The following TMEM176B variants were observed in gnomAD, a reference collection of about 807,000 sequenced individuals.
TMEM176B encodes the protein LR8-like protein.
In TMEM176B, 28 loss-of-function variants were observed where a neutral mutation model predicts 30.3. The observed-to-expected ratio is 0.92, with a 90% CI of 0.68 to 1.27. The LOEUF (loss-of-function observed/expected upper bound fraction) is 1.27. Among genes scored for constraint, TMEM176B ranks in the 50% most tolerant of loss-of-function variants. TMEM176B has a pLI of 0.00. For missense variants in TMEM176B, 349 were observed against 327.4 expected (o/e 1.07, Z -0.51); for synonymous variants, 123 against 130.3 (o/e 0.94, Z 0.38).
intron 6 of TMEM176B, 110 bp downstream of exon 6, chr7:150,791,946 G>A: frequency 1.3e-6 from 2 of 1,481,974 alleles, no homozygotes; most frequent in Non-Finnish European, 1.8e-6. Context: ...AAGCTGAGGG[G>A]CACCAGGCCC....
intron 5 of TMEM176B, 24 bp downstream of exon 5, chr7:150,793,064 G>A (rs773027093): frequency 2.4e-5 from 38 of 1,612,226 alleles, no homozygotes; most frequent in East Asian, 4.5e-5. Context: ...ATGGGTCCCC[G>A]AAGACTGGAC....
chr7:150,800,444 C>A (rs927779775), upstream of TMEM176B: 8 of 116,438 alleles, frequency 6.9e-5, no homozygotes, highest in African/African-American at 2.3e-4. Context: ...CCAGCTGCGG[C>A]CCGGGGGCCC....
upstream of TMEM176B, chr7:150,801,182 C>A: frequency 4.7e-6 from 1 of 211,878 alleles, no homozygotes; most frequent in Non-Finnish European, 8.6e-6. Context: ...AGCCTGCGGA[C>A]TGTGGAGGGG....
At chr7:150,793,498 G>A in intron 4 of TMEM176B, 46 bp downstream of exon 4, 1 of 1,605,306 alleles carries the variant, frequency 6.2e-7, no homozygotes, top group East Asian at 2.2e-5. Context: ...GCAGAATTCA[G>A]GAGGGGGTCA....
intron 1 of TMEM176B, among the ~76,000 whole-genome samples, chr7:150,799,075 C>T (rs1390586293): frequency 6.6e-6 from 1 of 152,200 alleles, no homozygotes; most frequent in Non-Finnish European, 1.5e-5. Flanking sequence ...TCAGTTTTCA[C>T]TTTTAAATGC....
rs1300178301 is a variant in TMEM176B at position 150,794,082 on chromosome 7, G to C, written c.205-11C>G. 1.2e-6 allele frequency: 2 copies of C among 1,607,100 alleles called. No homozygotes were observed. Among genetic ancestry groups the C allele is most frequent in the Admixed American group, 3.4e-5 (2 of 59,234 alleles). On this transcript the variant is annotated splice_polypyrimidine_tract_variant and intron_variant, in intron 2 of 6. Coordinates refer to ENST00000326442, the MANE Select transcript of TMEM176B (RefSeq NM_001101312.2). Reference sequence around the variant, plus strand: ...CAATATCTGAGTCACCTGCAAGACAGGATGAGAAACCAGACCCCTTCCCGT... The same window carrying C: ...CAATATCTGAGTCACCTGCAAGACACGATGAGAAACCAGACCCCTTCCCGT...
chr7:150,801,115 G>A (rs1000385570), upstream of TMEM176B: 21 of 431,762 alleles, frequency 4.9e-5, no homozygotes, highest in African/African-American at 1.9e-4. Flanking sequence ...GCGCAGCCGG[G>A]GCGCAGCTGC....
At chr7:150,796,241 T>A (rs1401227777) in intron 2 of TMEM176B, 125 bp downstream of exon 2, 2 of 824,384 alleles carry the variant, frequency 2.4e-6, no homozygotes, top group Non-Finnish European at 3.8e-6. Flanking sequence ...TCTGTGTGTA[T>A]GCCCCAAATT....
intron 1 of TMEM176B, among the ~76,000 whole-genome samples, chr7:150,799,423 G>T (rs1798671559): frequency 1.3e-5 from 2 of 152,186 alleles, no homozygotes; most frequent in Non-Finnish European, 2.9e-5. Flanking sequence ...GGCCATTTTT[G>T]CTAGACTACT....
intron 1 of TMEM176B, chr7:150,796,787 C>A: frequency 1.9e-6 from 1 of 537,702 alleles, no homozygotes; most frequent in Non-Finnish European, 3.3e-6. Flanking sequence ...GGCAAAACTC[C>A]CTCTCTACTA....
chr7:150,796,647 G>T (rs1798540605), intron 1 of TMEM176B, 73 bp from the exon 2 acceptor site: 1 of 1,441,196 alleles, frequency 6.9e-7, no homozygotes, highest in Non-Finnish European at 9.6e-7. Flanking sequence ...ACAGGTGAAA[G>T]GAGAGAAATA....
intron 1 of TMEM176B, among the ~76,000 whole-genome samples, chr7:150,797,584 G>A (rs1437995278): frequency 6.6e-6 from 1 of 152,196 alleles, no homozygotes. Context: ...GCAGTTGCTG[G>A]TGGATGTCCT....
chr7:150,793,449 A>G, intron 4 of TMEM176B, 95 bp downstream of exon 4: 3 of 1,543,018 alleles, frequency 1.9e-6, no homozygotes, highest in Non-Finnish European at 2.7e-6. Flanking sequence ...GAAAGACCCC[A>G]AGATATTGAC....
Position 150,792,054 on chromosome 7 carries a change from A to G in TMEM176B, c.720+2T>C, listed in dbSNP as rs776229836. 6.2e-7 allele frequency: 1 copy of G among 1,613,350 alleles called. No homozygotes were observed. The highest frequency in any genetic ancestry group is 1.7e-5 in the Admixed American group (1 of 59,974). ...CCCAGAGGCCCCTCCCCGACAACTCACCAGGGGCTGGGAGCTCTGGCCACA... is the reference window on the plus strand; with the variant it reads ...CCCAGAGGCCCCTCCCCGACAACTCGCCAGGGGCTGGGAGCTCTGGCCACA... On this transcript the variant is annotated splice_donor_variant, in intron 6 of 6. Transcript: ENST00000326442. LOFTEE classifies it high-confidence loss of function.
upstream of TMEM176B, chr7:150,801,064 G>A: frequency 1.1e-6 from 1 of 907,328 alleles, no homozygotes; most frequent in Non-Finnish European, 1.3e-6. Flanking sequence ...AGCAGTCGGT[G>A]GAGCGGGAGG....
chr7:150,797,780 T>C (rs1798584003), intron 1 of TMEM176B, among the ~76,000 whole-genome samples: 1 of 152,230 alleles, frequency 6.6e-6, no homozygotes, highest in South Asian at 2.1e-4. Flanking sequence ...CTCATTTGTG[T>C]AACTGCATAT....
chr7:150,798,897 G>A (rs1798641198), intron 1 of TMEM176B, among the ~76,000 whole-genome samples: 1 of 152,040 alleles, frequency 6.6e-6, no homozygotes, highest in South Asian at 2.1e-4. Context: ...AGTTTCAAAT[G>A]TTTCTTTACA....
intron 3 of TMEM176B, 63 bp downstream of exon 3, chr7:150,793,898 T>C: frequency 1.4e-6 from 2 of 1,396,768 alleles, no homozygotes; most frequent in Non-Finnish European, 2.0e-6. Flanking sequence ...CCAAGATCCA[T>C]AAGCGCCTTC....
chr7:150,793,110 C>G lies in TMEM176B; in HGVS notation c.578G>C (p.Arg193Thr). 1.2e-6 allele frequency: 2 copies of G among 1,614,190 alleles called. No homozygotes were observed. Among genetic ancestry groups the G allele is most frequent in the African/African-American group, 1.3e-5 (1 of 75,066 alleles). Residue 193 changes from arginine (R) to threonine (T), a missense_variant, in exon 5 of 7, where the codon AGA becomes ACA. By Grantham distance (71) the Arg-to-Thr change is moderately conservative. Transcript: ENST00000326442. ...CACCCTCAGCATCTGCATGTAAGCT[C>G]TACACTCCTCCTTCTGCCATTGGTT... ...QENQWQKEEC[R>T]AYMQMLRKLF...
Sources: gnomAD v4.1 joint callset for allele counts (sites outside exome capture counted in the v4.1 genomes callset) on GRCh38, gnomAD v4.1.1 for gene constraint, MANE v1.5 for transcripts, NCBI Gene and HGNC (gene_info 2026-07-23, HGNC 2026-07-21) for gene names.